SPIRE1: variants seen among roughly 807,000 people sequenced by gnomAD.
SPIRE1 encodes the protein protein spire homolog 1.
Under a neutral mutation model 94.1 loss-of-function variants are expected in SPIRE1, and 40 were observed. That is an observed-to-expected ratio of 0.43 (90% CI 0.33 to 0.55). SPIRE1 has a LOEUF of 0.55. SPIRE1 is among the 20% of genes least tolerant of loss of function. SPIRE1 has a pLI of 0.06. For missense variants in SPIRE1, 838 were observed against 975.2 expected, an observed-to-expected ratio of 0.86 and a Z score of 1.87; for synonymous variants, 376 against 371.7, an observed-to-expected ratio of 1.01 and a Z score of -0.13.
At position 12,617,889 on chromosome 18, in the gene SPIRE1, GC is replaced by G. The variant is rs546253776; in HGVS notation, c.372+17172del. On this transcript the variant is annotated intron_variant, in intron 2 of 16. Transcript: ENST00000409402. ...TTCATTTTATCATGGTAATACTCTA[GC>G]AAAACTGAACATTTAGAGGACAGAA... is the stretch of plus-strand genomic sequence containing the variant. 8.5e-5 allele frequency among the ~76,000 whole-genome samples: 13 copies of G among 152,080 alleles called. No individual in the cohort carries two copies. In the South Asian group the frequency reaches 2.5e-3, roughly 29 times the overall value.
intron 4 of SPIRE1, among the ~76,000 whole-genome samples, chr18:12,518,728 C>A (rs2034273042): frequency 6.6e-6 from 1 of 151,392 alleles, no homozygotes; most frequent in Non-Finnish European, 1.5e-5. Flanking sequence ...CAAAAAAAAA[C>A]AAAGAAATTA....
intron 4 of SPIRE1, among the ~76,000 whole-genome samples, chr18:12,515,683 G>A (rs1420473809): frequency 6.6e-6 from 1 of 152,122 alleles, no homozygotes; most frequent in African/African-American, 2.4e-5. Context: ...ACCCTCCTCA[G>A]GAACTGCCCT....
Position 12,559,058 on chromosome 18 carries a change from C to T in SPIRE1, c.373-12154G>A, listed in dbSNP as rs2035605279. ...CACCAGGGCGGCGGGCAGAGGTGCCCGCCAGTCCCGTGCCACGTGCCTGCA... is the reference window on the plus strand; with the variant it reads ...CACCAGGGCGGCGGGCAGAGGTGCCTGCCAGTCCCGTGCCACGTGCCTGCA... On this transcript the variant is annotated intron_variant, in intron 2 of 16. Coordinates refer to ENST00000409402, the MANE Select transcript of SPIRE1 (RefSeq NM_001128626.2). This position sits in a 1 kb window ranked among gnomAD's most constrained non-coding sequence, Gnocchi z 4.7. Among the ~76,000 whole-genome samples, 2 of 152,126 alleles carry T rather than the reference C, an allele frequency of 1.3e-5. No individual in the cohort carries two copies. The highest frequency in any genetic ancestry group is 2.1e-4 in the South Asian group (1 of 4,824).
At chr18:12,524,480 G>A (rs7230709) in intron 4 of SPIRE1, among the ~76,000 whole-genome samples, 3,877 of 152,266 alleles carry the variant, frequency 0.025, 170 homozygotes, top group African/African-American at 0.088. Context: ...TACTGATGGG[G>A]GGAAAAATGT....
intron 3 of SPIRE1, among the ~76,000 whole-genome samples, chr18:12,544,373 A>T (rs550589330): frequency 0.012 from 1,742 of 146,316 alleles, 37 homozygotes; most frequent in African/African-American, 0.042. Context: ...TTAATTTTGT[A>T]TTTTTTTTTT....
intron 3 of SPIRE1, among the ~76,000 whole-genome samples, chr18:12,546,286 G>C (rs1162415167): frequency 6.6e-6 from 1 of 151,886 alleles, no homozygotes; most frequent in Non-Finnish European, 1.5e-5. Flanking sequence ...ATCGCGCCCA[G>C]CCTCGTTATT....
At chr18:12,614,590 C>A (rs1283255506) in intron 2 of SPIRE1, among the ~76,000 whole-genome samples, 1 of 152,100 alleles carries the variant, frequency 6.6e-6, no homozygotes, top group East Asian at 1.9e-4. Context: ...CCAAGGTGGG[C>A]AGATCACCTG....
At chr18:12,502,001 C>T (rs1393861879) in intron 6 of SPIRE1, among the ~76,000 whole-genome samples, 3 of 152,084 alleles carry the variant, frequency 2.0e-5, no homozygotes, top group African/African-American at 4.8e-5. Context: ...ACAGGAGAAA[C>T]GTAATTATTT....
chr18:12,581,405 A>C (rs1169299865), intron 2 of SPIRE1, among the ~76,000 whole-genome samples: 1 of 152,210 alleles, frequency 6.6e-6, no homozygotes, highest in African/African-American at 2.4e-5. Flanking sequence ...TTCCGTTTTG[A>C]AAACAGTAAA....
intron 2 of SPIRE1, among the ~76,000 whole-genome samples, chr18:12,629,890 T>C (rs1429863293): frequency 6.6e-6 from 1 of 152,114 alleles, no homozygotes; most frequent in Non-Finnish European, 1.5e-5. Flanking sequence ...TGCTGGAAAA[T>C]ACTTAGTATA....
Position 12,537,200 on chromosome 18 carries a change from ACTAGT to A in SPIRE1, c.604-1604_604-1600del, listed in dbSNP as rs2034867528. On this transcript the variant is annotated intron_variant, in intron 3 of 16. Coordinates refer to ENST00000409402, the MANE Select transcript of SPIRE1 (RefSeq NM_001128626.2). ...TCACAAGTTTATTACTCACAGAGCC[ACTAGT>A]AAACAGAGAGTATATTTTGTGCTCA... 2.0e-5 allele frequency among the ~76,000 whole-genome samples: 3 copies of A among 152,250 alleles called. No individual in the cohort carries two copies. The South Asian group carries it at 6.2e-4, about 31-fold the overall frequency.
At chr18:12,633,218 C>A (rs565620493) in intron 2 of SPIRE1, among the ~76,000 whole-genome samples, 9 of 152,192 alleles carry the variant, frequency 5.9e-5, no homozygotes, top group African/African-American at 2.2e-4. Context: ...AATAGTATAT[C>A]AAAAATTCTA....
chr18:12,486,881 C>G (rs2033059232), intron 8 of SPIRE1, among the ~76,000 whole-genome samples: 1 of 152,174 alleles, frequency 6.6e-6, no homozygotes. Flanking sequence ...GAAATGGAGT[C>G]TCGCTCTGTT....
chr18:12,545,982 C>T (rs1217527620), intron 3 of SPIRE1, among the ~76,000 whole-genome samples: 1 of 151,562 alleles, frequency 6.6e-6, no homozygotes, highest in African/African-American at 2.4e-5. Flanking sequence ...GCCGAATCAC[C>T]GTTCTTTATT....
At chr18:12,632,223 C>T (rs1451393975) in intron 2 of SPIRE1, among the ~76,000 whole-genome samples, 1 of 152,174 alleles carries the variant, frequency 6.6e-6, no homozygotes, top group Non-Finnish European at 1.5e-5. Context: ...GTCTCAGAGA[C>T]CACAGAGCCC....
chr18:12,483,522 A>C (rs189867182), intron 9 of SPIRE1, among the ~76,000 whole-genome samples: 2 of 152,294 alleles, frequency 1.3e-5, no homozygotes, highest in East Asian at 3.9e-4. Context: ...GATATTAAAT[A>C]TATGTGTCTG....
At chr18:12,485,106 C>CTTTTTT (rs71371264) in intron 9 of SPIRE1, among the ~76,000 whole-genome samples, 1 of 133,910 alleles carries the variant, frequency 7.5e-6, no homozygotes, top group Non-Finnish European at 1.6e-5. Context: ...TTTTTATACT[C>CTTTTTT]TTTTTTTTTT....
At chr18:12,627,911 T>C (rs1413952298) in intron 2 of SPIRE1, among the ~76,000 whole-genome samples, 3 of 128,848 alleles carry the variant, frequency 2.3e-5, no homozygotes, top group Non-Finnish European at 5.4e-5. Context: ...GTTGTTTTTT[T>C]CTTGTAAATT....
chr18:12,630,519 C>T (rs1419575952), intron 2 of SPIRE1, among the ~76,000 whole-genome samples: 3 of 152,138 alleles, frequency 2.0e-5, no homozygotes, highest in South Asian at 2.1e-4. Flanking sequence ...ATTAGCTGGG[C>T]GTGGTGGCAC....
Sources: allele counts gnomAD v4.1 joint callset (sites outside exome capture counted in the v4.1 genomes callset), GRCh38; gene constraint gnomAD v4.1.1; non-coding constraint Gnocchi (gnomAD v3.1); transcripts MANE v1.5; gene names NCBI Gene and HGNC (gene_info 2026-07-23, HGNC 2026-07-21).